Variants in DDI2 observed in about 807,000 individuals in gnomAD.
DDI2 encodes the protein DDI proteasomal shuttling factor 2.
DDI2 carries 5 observed loss-of-function variants against 48.1 expected under a neutral mutation model. That is an observed-to-expected ratio of 0.10 (90% CI 0.05 to 0.22). The LOEUF is 0.22. Among genes scored for constraint, DDI2 ranks in the 10% least tolerant of loss-of-function variants. The pLI, the probability that DDI2 is intolerant of heterozygous loss-of-function variation, is 1.00. For synonymous variants in DDI2, 205 were observed against 183.6 expected (o/e 1.12, Z -0.94); for missense variants, 285 against 506.2 (o/e 0.56, Z 4.19).
At chr1:15,643,839 T>A (rs1640045904) in intron 6 of DDI2, among the ~76,000 whole-genome samples, 189 bp downstream of exon 6, 1 of 152,224 alleles carries the variant, frequency 6.6e-6, no homozygotes, top group Non-Finnish European at 1.5e-5. Flanking sequence ...TCCGTCAAAG[T>A]TATGTGTTTC....
In DDI2 at chr1:15,667,175, C is replaced by G. The variant is rs1157827021; in HGVS notation, c.*7385C>G. 2 of 151,346 alleles carry G rather than the reference C, an allele frequency of 1.3e-5. No homozygotes were observed. Among genetic ancestry groups the G allele is most frequent in the Non-Finnish European group, 2.9e-5 (2 of 67,972 alleles). 9.4% of individuals were successfully genotyped at this position (151,346 alleles called of 1,614,324 possible). ...TGAGCCGGGATCACGTCACTGTACTCCAGCCTGGGCAAGAGTGAGACACCG... is the reference window on the plus strand; with the variant it reads ...TGAGCCGGGATCACGTCACTGTACTGCAGCCTGGGCAAGAGTGAGACACCG... On this transcript the variant is annotated 3_prime_UTR_variant, in exon 10 of 10. Coordinates refer to ENST00000480945, the MANE Select transcript of DDI2 (RefSeq NM_032341.5).
chr1:15,653,899 T>A (rs1438165831), intron 8 of DDI2, among the ~76,000 whole-genome samples: 3 of 152,228 alleles, frequency 2.0e-5, no homozygotes, highest in African/African-American at 7.2e-5. Flanking sequence ...TGCTACCTAA[T>A]ACTTTTTTCT....
chr1:15,644,556 GAA>G (rs1266867409), intron 6 of DDI2, among the ~76,000 whole-genome samples: 1 of 145,438 alleles, frequency 6.9e-6, no homozygotes, highest in African/African-American at 2.5e-5. Context: ...TCCTTTATGT[GAA>G]AGTTTTCTTT....
chr1:15,628,964 G>A (rs1639801924), intron 2 of DDI2, among the ~76,000 whole-genome samples: 2 of 152,110 alleles, frequency 1.3e-5, no homozygotes, highest in Admixed American at 6.5e-5. Flanking sequence ...CAATATGTGA[G>A]TCCGTTGTGT....
intron 5 of DDI2, among the ~76,000 whole-genome samples, chr1:15,641,103 T>A (rs6659149): frequency 6.6e-6 from 1 of 152,288 alleles, no homozygotes. Context: ...GTGGTGATGG[T>A]GGTTTGAAAC....
At position 15,617,794 on chromosome 1, in the gene DDI2, G is replaced by A. The variant is rs1426251270; in HGVS notation, c.124G>A (p.Ala42Thr). The A allele has an allele frequency of 1.9e-6, 3 of 1,600,252 alleles. No homozygotes were observed. The highest frequency in any genetic ancestry group is 1.7e-6 in the Non-Finnish European group (2 of 1,174,974). Reference protein sequence around the residue: ...ALCELESGIPAAESQIVYAER... With the variant: ...ALCELESGIPTAESQIVYAER... ...GTGCGAGCTCGAGTCTGGCATCCCC[G>A]CAGCCGAGAGCCAGGTACGCCGGGC... Residue 42 changes from alanine (A) to threonine (T), a missense_variant, in exon 1 of 10, where the codon GCA becomes ACA. Around this residue, in one of 3 missense-constraint regions of DDI2, gnomAD observed 149 missense variants for 236.5 expected, o/e 0.63. Transcript: ENST00000480945.
At chr1:15,652,225 A>AT (rs1640197357) in intron 8 of DDI2, among the ~76,000 whole-genome samples, 1 of 150,550 alleles carries the variant, frequency 6.6e-6, no homozygotes, top group African/African-American at 2.4e-5. Flanking sequence ...CACCTGGCTA[A>AT]TTTTTTATTT....
chr1:15,656,436 G>A (rs1640274774), intron 8 of DDI2, 181 bp from the exon 9 acceptor site: 3 of 1,473,640 alleles, frequency 2.0e-6, no homozygotes, highest in East Asian at 2.5e-5. Context: ...TGTGTGTATT[G>A]TGAGAGAATG....
At position 15,651,867 on chromosome 1, in the gene DDI2, A is replaced by G. The variant is rs940624569; in HGVS notation, c.1155A>G (p.Glu385=). The G allele has an allele frequency of 6.2e-7, 1 of 1,613,656 alleles. No individual in the cohort carries two copies. The highest frequency in any genetic ancestry group is 1.7e-5 in the Admixed American group (1 of 59,910). ...PEEIADQELA[E]ALQKSAEDAE... ...AGATTGCAGACCAAGAATTAGCAGAAGCCCTTCAAAAATCAGCAGAGGATG... is the reference window on the plus strand; with the variant it reads ...AGATTGCAGACCAAGAATTAGCAGAGGCCCTTCAAAAATCAGCAGAGGATG... The change falls in exon 8 of 10, where the codon GAA becomes GAG. Residue 385 remains glutamate, a synonymous_variant. Coordinates refer to ENST00000480945, the MANE Select transcript of DDI2 (RefSeq NM_032341.5).
At chr1:15,639,420 CTTTCA>C (rs769879375) in intron 5 of DDI2, among the ~76,000 whole-genome samples, 2 of 151,994 alleles carry the variant, frequency 1.3e-5, no homozygotes, top group Admixed American at 6.6e-5. Flanking sequence ...AAAGTATTTT[CTTTCA>C]TTTGTTCATC....
chr1:15,626,826 C>G (rs901385150), intron 2 of DDI2, 28 bp downstream of exon 2: 2 of 1,613,932 alleles, frequency 1.2e-6, no homozygotes, highest in Non-Finnish European at 1.7e-6. Context: ...TGAGCATCCC[C>G]CAGCAGAACC....
chr1:15,660,684 C>G lies in DDI2; in HGVS notation c.*894C>G. ...CAACAGGCAGGCAGAATGCCAATGT[C>G]AAGAACATTGGTGCATTGGATCTCA... On this transcript the variant is annotated 3_prime_UTR_variant, in exon 10 of 10. Transcript: ENST00000480945. 1 of 1,614,166 alleles carries G rather than the reference C, an allele frequency of 6.2e-7. No homozygotes were observed. Among genetic ancestry groups the G allele is most frequent in the South Asian group, 1.1e-5 (1 of 91,070 alleles).
At chr1:15,656,766 A>G (rs1269685718) in intron 9 of DDI2, 87 bp downstream of exon 9, 5 of 1,578,632 alleles carry the variant, frequency 3.2e-6, no homozygotes, top group Non-Finnish European at 4.3e-6. Context: ...GGAAGTTAGC[A>G]TTTGTCATTC....
Position 15,628,499 on chromosome 1 carries a change from T to C in DDI2, c.268+1701T>C, listed in dbSNP as rs896972984. On this transcript the variant is annotated intron_variant, in intron 2 of 9. Coordinates refer to ENST00000480945, the MANE Select transcript of DDI2 (RefSeq NM_032341.5). ...TTTAAAATCCTTAATAGTGCAAGGA[T>C]TGTGCTATAATTCTGATCACTGTGG... is the stretch of plus-strand genomic sequence containing the variant. Among the ~76,000 whole-genome samples the C allele has an allele frequency of 2.6e-5, 4 of 152,222 alleles. No homozygotes were observed. In the South Asian group the frequency reaches 6.2e-4, roughly 24 times the overall value.
intron 9 of DDI2, 94 bp downstream of exon 9, chr1:15,656,773 ATTCACCAT>A (rs1355748446): frequency 6.4e-7 from 1 of 1,563,380 alleles, no homozygotes; most frequent in Non-Finnish European, 8.7e-7. Context: ...AGCATTTGTC[ATTCACCAT>A]TTCACCTTGT....
Position 15,643,573 on chromosome 1 carries a change from T to G in DDI2, c.812T>G (p.Met271Arg). The change falls in exon 6 of 10, where the codon ATG (methionine) becomes AGG (arginine). Residue 271 changes from methionine to arginine, a missense_variant. Physicochemically the swap from Met to Arg is moderately conservative, Grantham distance 91 (BLOSUM62 -1). This residue lies in a region of DDI2 where 70 missense variants were observed against 182.3 expected (regional missense o/e 0.38). Coordinates refer to ENST00000480945, the MANE Select transcript of DDI2 (RefSeq NM_032341.5). Reference sequence around the variant, plus strand: ...GCTTGTGCAGAAAGGTGTAACATAATGAGACTGGTGGACCGTCGGTGGGCA... The same window carrying G: ...GCTTGTGCAGAAAGGTGTAACATAAGGAGACTGGTGGACCGTCGGTGGGCA... ...SQACAERCNI[M>R]RLVDRRWAGI... is the part of the protein sequence containing the mutation. 6.2e-7 allele frequency: 1 copy of G among 1,614,206 alleles called. No homozygotes were observed. The highest frequency in any genetic ancestry group is 8.5e-7 in the Non-Finnish European group (1 of 1,180,030).
rs1224694190 is a variant in DDI2 at position 15,668,956 on chromosome 1, A to T, written c.*9166A>T. 1 of 152,314 alleles carries T rather than the reference A, an allele frequency of 6.6e-6. No individual in the cohort carries two copies. The highest frequency in any genetic ancestry group is 2.1e-4 in the South Asian group (1 of 4,826). 9.4% of individuals were successfully genotyped at this position (152,314 alleles called of 1,614,324 possible). A position where few individuals can be genotyped will look rare whatever the true frequency, so the allele number is the denominator to read the frequency against. On this transcript the variant is annotated 3_prime_UTR_variant, in exon 10 of 10. Transcript: ENST00000480945. ...CTAAATAATCAAAACACTTTATTTT[A>T]TTTTTCTTTTTTTAAATAGGAACTT...
At chr1:15,626,961 C>G in intron 2 of DDI2, 163 bp downstream of exon 2, 1 of 927,622 alleles carries the variant, frequency 1.1e-6, no homozygotes, top group South Asian at 1.8e-5. Flanking sequence ...TTTAATGTCT[C>G]TAAATTGGTT....
In DDI2 at chr1:15,668,956, A is replaced by C. The variant is rs1224694190; in HGVS notation, c.*9166A>C. 6.6e-6 allele frequency: 1 copy of C among 152,196 alleles called. No individual in the cohort carries two copies. The highest frequency in any genetic ancestry group is 1.9e-4 in the East Asian group (1 of 5,198). The allele number at this position is 152,196 out of a possible 1,614,324, so 9.4% of individuals were successfully genotyped here. A position where few individuals can be genotyped will look rare whatever the true frequency, so the allele number is the denominator to read the frequency against. ...CTAAATAATCAAAACACTTTATTTT[A>C]TTTTTCTTTTTTTAAATAGGAACTT... On this transcript the variant is annotated 3_prime_UTR_variant, in exon 10 of 10. Coordinates refer to ENST00000480945, the MANE Select transcript of DDI2 (RefSeq NM_032341.5).
Sources: gnomAD v4.1 joint callset for allele counts (sites outside exome capture counted in the v4.1 genomes callset) on GRCh38, gnomAD v4.1.1 for gene constraint, gnomAD v4.1.1 regional missense constraint, MANE v1.5 for transcripts, NCBI Gene and HGNC (gene_info 2026-07-23, HGNC 2026-07-21) for gene names.